EYA2: variants seen among roughly 807,000 people sequenced by gnomAD.
EYA2 encodes protein phosphatase EYA2.
A neutral mutation model predicts 69.2 loss-of-function variants in EYA2; 31 were observed. That is an observed-to-expected ratio of 0.45 (90% CI 0.34 to 0.60). EYA2 has a LOEUF of 0.60. EYA2 is among the 20% of genes least tolerant of loss of function. The pLI is 0.02. For synonymous variants in EYA2, 257 were observed against 279.4 expected (o/e 0.92, Z 0.80); for missense variants, 622 against 701.2 (o/e 0.89, Z 1.28).
At chr20:46,985,318 T>C (rs1600608859) in intron 1 of EYA2, among the ~76,000 whole-genome samples, 1 of 152,286 alleles carries the variant, frequency 6.6e-6, no homozygotes, top group Admixed American at 6.5e-5. Flanking sequence ...AAAGATGATT[T>C]CCCCATTGGC....
intron 9 of EYA2, among the ~76,000 whole-genome samples, chr20:47,142,092 T>C (rs1457715214): frequency 6.6e-6 from 1 of 152,218 alleles, no homozygotes; most frequent in Non-Finnish European, 1.5e-5. Context: ...TTAGGCTTTG[T>C]GGGACACACA....
At chr20:47,128,840 T>C (rs1386042416) in intron 9 of EYA2, among the ~76,000 whole-genome samples, 3 of 152,126 alleles carry the variant, frequency 2.0e-5, no homozygotes, top group African/African-American at 4.8e-5. Context: ...AATAAAAAAA[T>C]GGCCAGGCAC....
chr20:46,909,839 A>G (rs897149100), intron 1 of EYA2, among the ~76,000 whole-genome samples: 2 of 152,152 alleles, frequency 1.3e-5, no homozygotes, highest in African/African-American at 4.8e-5. Flanking sequence ...CTCCTGGACT[A>G]CAGTGCTGCT....
intron 1 of EYA2, chr20:46,979,647 G>A (rs995393680): frequency 1.3e-5 from 2 of 152,102 alleles, no homozygotes; most frequent in African/African-American, 4.8e-5. Context: ...GTGAGGTGGG[G>A]AAGAGTGGGG....
intron 9 of EYA2, among the ~76,000 whole-genome samples, chr20:47,106,296 C>T (rs1237459603): frequency 6.6e-6 from 1 of 152,166 alleles, no homozygotes; most frequent in Non-Finnish European, 1.5e-5. Flanking sequence ...CAGGGCCTGG[C>T]ACATGGTAGG....
At chr20:47,175,910 A>C (rs1302816739) in intron 12 of EYA2, among the ~76,000 whole-genome samples, 1 of 152,224 alleles carries the variant, frequency 6.6e-6, no homozygotes, top group Admixed American at 6.5e-5. Context: ...GACATGTAGC[A>C]GTAAGAAGAT....
At chr20:46,984,127 G>A (rs1981021504) in intron 1 of EYA2, among the ~76,000 whole-genome samples, 2 of 152,050 alleles carry the variant, frequency 1.3e-5, no homozygotes, top group Non-Finnish European at 2.9e-5. Context: ...ATGAATTGAA[G>A]ACTTAAATAT....
intron 5 of EYA2, among the ~76,000 whole-genome samples, chr20:47,046,088 C>A (rs566891324): frequency 6.6e-6 from 1 of 152,272 alleles, no homozygotes; most frequent in East Asian, 1.9e-4. Context: ...GATCAGGGTG[C>A]CAGCATGGTC....
intron 10 of EYA2, among the ~76,000 whole-genome samples, chr20:47,147,253 T>G (rs1434175737): frequency 6.6e-6 from 1 of 152,026 alleles, no homozygotes; most frequent in Non-Finnish European, 1.5e-5. Flanking sequence ...TTCACCTTGT[T>G]GGGCACGGTG....
At chr20:46,945,352 T>C (rs3092075) in intron 1 of EYA2, among the ~76,000 whole-genome samples, 7,544 of 152,266 alleles carry the variant, frequency 0.05, 316 homozygotes, top group African/African-American at 0.11. Flanking sequence ...GACAGTAGAC[T>C]GACCGATTTT....
intron 5 of EYA2, among the ~76,000 whole-genome samples, chr20:47,046,143 A>G (rs1600667062): frequency 1.3e-5 from 2 of 152,240 alleles, no homozygotes; most frequent in South Asian, 2.1e-4. Flanking sequence ...ACCACTAACT[A>G]TCTTTTTGTT....
intron 5 of EYA2, among the ~76,000 whole-genome samples, chr20:47,047,025 G>A (rs184636007): frequency 6.6e-6 from 1 of 152,318 alleles, no homozygotes; most frequent in Admixed American, 6.5e-5. Context: ...GATCAGATTA[G>A]GGCAACTTGC....
intron 1 of EYA2, among the ~76,000 whole-genome samples, chr20:46,953,196 A>G (rs1262676349): frequency 2.6e-5 from 4 of 152,136 alleles, no homozygotes; most frequent in Non-Finnish European, 5.9e-5. Context: ...TACATATTCT[A>G]ATTCGTTTCA....
chr20:47,000,840 A>G (rs144970155), intron 2 of EYA2, among the ~76,000 whole-genome samples: 174 of 152,168 alleles, frequency 1.1e-3, no homozygotes, highest in Middle Eastern at 3.4e-3. Flanking sequence ...TCCTTCCCCT[A>G]AAGTGTTGGG....
At chr20:47,081,985 G>A (rs1258023145) in intron 7 of EYA2, among the ~76,000 whole-genome samples, 2 of 151,436 alleles carry the variant, frequency 1.3e-5, no homozygotes, top group African/African-American at 4.8e-5. Flanking sequence ...GATTACAGGC[G>A]CCCACTACCA....
intron 1 of EYA2, among the ~76,000 whole-genome samples, chr20:46,980,374 T>C (rs1980752417): frequency 6.6e-6 from 1 of 152,322 alleles, no homozygotes; most frequent in Non-Finnish European, 1.5e-5. Context: ...GACTGGCCTC[T>C]CTCCTCCATT....
At position 47,016,332 on chromosome 20, in the gene EYA2, T is replaced by C. The variant is rs1308534942; in HGVS notation, c.415+35T>C. 4.6e-6 allele frequency: 7 copies of C among 1,528,082 alleles called. No individual in the cohort carries two copies. In the African/African-American group the frequency reaches 5.5e-5, roughly 12 times the overall value. 94.7% of individuals were successfully genotyped at this position (1,528,082 alleles called of 1,614,324 possible). ...GCGCTGTGGCCCCTTCCTGCCCATC[T>C]CTAAGGACCACCTAAGTTGGGTGTC... On this transcript the variant is annotated intron_variant, in intron 5 of 15. Coordinates refer to ENST00000327619, the MANE Select transcript of EYA2 (RefSeq NM_005244.5).
chr20:47,083,577 CAAAAAAA>C (rs35525311), intron 7 of EYA2, among the ~76,000 whole-genome samples: 1 of 120,646 alleles, frequency 8.3e-6, no homozygotes, highest in Non-Finnish European at 1.6e-5. Context: ...GAGTCCATCT[CAAAAAAA>C]AAAAAAAAAA....
intron 1 of EYA2, among the ~76,000 whole-genome samples, chr20:46,942,375 T>G (rs972493781): frequency 6.6e-6 from 1 of 151,972 alleles, no homozygotes; most frequent in African/African-American, 2.4e-5. Context: ...CCCTAGCTAA[T>G]TTTTGTATTT....
Sources: allele counts gnomAD v4.1 joint callset (sites outside exome capture counted in the v4.1 genomes callset), GRCh38; gene constraint gnomAD v4.1.1; transcripts MANE v1.5; gene names NCBI Gene and HGNC (gene_info 2026-07-23, HGNC 2026-07-21).